Variants in TSC2 observed in about 807,000 individuals in gnomAD.
TSC2 encodes the protein TSC complex subunit 2.
Under a neutral mutation model 202.2 loss-of-function variants are expected in TSC2, and 29 were observed. The ratio of observed to expected loss-of-function variants is 0.14; its 90% CI spans 0.11 to 0.20. TSC2 has a LOEUF of 0.20. Ranked by LOEUF, TSC2 falls within the 10% of genes least tolerant of loss-of-function variation. The pLI is 1.00. For synonymous variants in TSC2, 1,349 were observed against 1,044.0 expected (o/e 1.29, Z -5.63); for missense variants, 2,429 against 2,420.0 (o/e 1.00, Z -0.08).
At position 2,082,471 on chromosome 16, in the gene TSC2, C is replaced by T. The variant is rs753308966; in HGVS notation, c.3850C>T (p.Gln1284Ter). Residue 1284 changes from glutamine to a stop codon, truncating the protein, a stop_gained, in exon 32 of 42, where the codon CAA (glutamine) becomes TAA (stop). Coordinates refer to ENST00000219476, the MANE Select transcript of TSC2 (RefSeq NM_000548.5). LOFTEE classifies it high-confidence loss of function. The part of the protein sequence containing the change: ...SFSSLYQSSC[Q>*]GQLHRSVSWA... ...CTCCTCCCTGTACCAGTCCAGCTGC[C>T]AAGGACAGCTGCACAGGAGCGTTTC... 9 of 1,611,982 alleles carry T rather than the reference C, an allele frequency of 5.6e-6. No homozygotes were observed. In the Admixed American group the frequency reaches 1.5e-4, roughly 27 times the overall value.
At position 2,088,786 on chromosome 16, in the gene TSC2, C is replaced by T. The variant is rs554253529; in HGVS notation, c.*176C>T. ...GGGGTGTCGAGGCTCTAGAAGCGGC[C>T]ATGCCCACAGAAGTGGTACACAGAA... On this transcript the variant is annotated 3_prime_UTR_variant, in exon 42 of 42. Coordinates refer to ENST00000219476, the MANE Select transcript of TSC2 (RefSeq NM_000548.5). 3.2e-4 allele frequency: 280 copies of T among 867,532 alleles called. No individual in the cohort carries two copies. The highest frequency in any genetic ancestry group is 4.6e-4 in the Non-Finnish European group (264 of 577,266). The allele number at this position is 867,532 out of a possible 1,614,324, so 53.7% of individuals were successfully genotyped here. A position where few individuals can be genotyped will look rare whatever the true frequency, so the allele number is the denominator to read the frequency against.
chr16:2,057,745 G>A (rs1289538238), intron 9 of TSC2, among the ~76,000 whole-genome samples: 1 of 152,080 alleles, frequency 6.6e-6, no homozygotes, highest in Non-Finnish European at 1.5e-5. Context: ...CTTCTCCTAT[G>A]GAACCAGGCC....
chr16:2,060,604 C>T, intron 10 of TSC2, 66 bp from the exon 11 acceptor site: 1 of 1,611,940 alleles, frequency 6.2e-7, no homozygotes, highest in Non-Finnish European at 8.5e-7. Context: ...CCAAGGGTGA[C>T]TGGGAGGGCG....
intron 4 of TSC2, 107 bp downstream of exon 4, chr16:2,053,559 A>AG: frequency 1.8e-6 from 2 of 1,137,174 alleles, no homozygotes; most frequent in Non-Finnish European, 2.5e-6. Context: ...TGCTGGGCAC[A>AG]GGGTCTAGGG....
At position 2,070,494 on chromosome 16, in the gene TSC2, T is replaced by C. The variant is rs755484371; in HGVS notation, c.1755T>C (p.Arg585=). 6.2e-7 allele frequency: 1 copy of C among 1,613,402 alleles called. No homozygotes were observed. Among genetic ancestry groups the C allele is most frequent in the Non-Finnish European group, 8.5e-7 (1 of 1,180,020 alleles). The change falls in exon 17 of 42, where the codon CGT becomes CGC. Residue 585 remains arginine (R), a synonymous_variant. Transcript: ENST00000219476. ...CCCTGCCTGCAAGCCACGCCACGCG[T>C]GTGTATGAGATGCTGGTCAGCCACA... ...LYTLPASHAT[R]VYEMLVSHIQ...
At chr16:2,076,307 G>T in intron 24 of TSC2, 137 bp downstream of exon 24, 1 of 1,561,058 alleles carries the variant, frequency 6.4e-7, no homozygotes, top group Non-Finnish European at 8.6e-7. Context: ...TGTGGCGCTG[G>T]GGGCTCTGCT....
Position 2,072,076 on chromosome 16 carries a change from G to A in TSC2, c.2097+142G>A, listed in dbSNP as rs2088514666. The A allele has an allele frequency of 2.0e-6, 3 of 1,485,670 alleles. No homozygotes were observed. The South Asian group carries it at 3.8e-5, about 19-fold the overall frequency. The allele number at this position is 1,485,670 out of a possible 1,614,324, so 92.0% of individuals were successfully genotyped here. On this transcript the variant is annotated intron_variant, in intron 19 of 41. Coordinates refer to ENST00000219476, the MANE Select transcript of TSC2 (RefSeq NM_000548.5). ...GAGCTGAGCCTTCCCCCTTCCCCGA[G>A]CAGCTGCAGGGACAGAGGCCTGCGC... is the stretch of plus-strand genomic sequence containing the variant.
chr16:2,074,422 A>C, intron 22 of TSC2, 33 bp downstream of exon 22: 1 of 1,604,330 alleles, frequency 6.2e-7, no homozygotes, highest in Non-Finnish European at 8.5e-7. Context: ...CATGCACCCG[A>C]GAGGTTCGGG....
chr16:2,086,643 C>A, intron 37 of TSC2, 89 bp from the exon 38 acceptor site: 1 of 1,583,584 alleles, frequency 6.3e-7, no homozygotes, highest in Non-Finnish European at 8.5e-7. Flanking sequence ...CCCCCAGAGC[C>A]CCTGGAGTAA....
At chr16:2,071,999 T>A (rs2151311120) in intron 19 of TSC2, 65 bp downstream of exon 19, 1 of 1,510,986 alleles carries the variant, frequency 6.6e-7, no homozygotes. Context: ...AGCTGCCACC[T>A]GCCTGCTGGG....
At position 2,071,581 on chromosome 16, in the gene TSC2, C is replaced by A. The variant is rs543584836; in HGVS notation, c.1911C>A (p.Val637=). ...HRLGLPNKDG[V]VRFSPYCVCD... ...TGGGCCTGCCCAACAAGGATGGAGT[C>A]GTGCGGTTCAGCCCCTACTGCGTCT... The change falls in exon 18 of 42, where the codon GTC becomes GTA. Residue 637 remains valine, a synonymous_variant. Coordinates refer to ENST00000219476, the MANE Select transcript of TSC2 (RefSeq NM_000548.5). 1 of 1,613,482 alleles carries A rather than the reference C, an allele frequency of 6.2e-7. No homozygotes were observed. The highest frequency in any genetic ancestry group is 1.1e-5 in the South Asian group (1 of 91,080).
In TSC2 at chr16:2,088,592, C is replaced by T. The variant is rs746376375; in HGVS notation, c.5406C>T (p.Asp1802=). ...AGCGCCTCATCTCCTCGGTGGAGGA[C>T]TTCACCGAGTTTGTGTGAGGCCGGG... ...QRKRLISSVE[D]FTEFV The change falls in exon 42 of 42, where the codon GAC becomes GAT. Residue 1802 remains aspartate, a synonymous_variant. Transcript: ENST00000219476. 2 of 1,605,842 alleles carry T rather than the reference C, an allele frequency of 1.2e-6. No individual in the cohort carries two copies. Among genetic ancestry groups the T allele is most frequent in the East Asian group, 2.2e-5 (1 of 44,866 alleles).
intron 2 of TSC2, among the ~76,000 whole-genome samples, chr16:2,050,073 A>G (rs1025038130): frequency 1.4e-4 from 20 of 147,270 alleles, no homozygotes; most frequent in African/African-American, 4.1e-4. Context: ...CTCCTGCCTC[A>G]CTCTCCCGAG....
intron 7 of TSC2, 126 bp from the exon 8 acceptor site, chr16:2,056,518 A>C: frequency 7.1e-7 from 1 of 1,414,294 alleles, no homozygotes. Context: ...GCTTGGAGAG[A>C]GGGTGCCATG....
At chr16:2,054,928 C>T (rs1241551613) in intron 5 of TSC2, 11 of 326,056 alleles carry the variant, frequency 3.4e-5, no homozygotes, top group South Asian at 2.2e-4. Context: ...GCTGTTCTGT[C>T]GCCCAGAAAA....
rs1044559724 is a variant in TSC2 at position 2,088,992 on chromosome 16, G to A, written c.*382G>A. On this transcript the variant is annotated 3_prime_UTR_variant, in exon 42 of 42. Transcript: ENST00000219476. ...TCTGACATGCCTAGTCCTGCTACTT[G>A]CCCAGACCTGATGCCAGCAGGCCTG... 2 of 266,640 alleles carry A rather than the reference G, an allele frequency of 7.5e-6. No individual in the cohort carries two copies. Among genetic ancestry groups the A allele is most frequent in the South Asian group, 4.5e-5 (1 of 21,990 alleles). The allele number at this position is 266,640 out of a possible 1,614,324, so 16.5% of individuals were successfully genotyped here. A position where few individuals can be genotyped will look rare whatever the true frequency, so the allele number is the denominator to read the frequency against.
At chr16:2,058,711 C>T (rs1413423111) in intron 9 of TSC2, 36 bp from the exon 10 acceptor site, 2 of 1,560,296 alleles carry the variant, frequency 1.3e-6, no homozygotes, top group Non-Finnish European at 8.7e-7. Context: ...GGACAGGGCC[C>T]TGCTCACATT....
In TSC2 at chr16:2,074,281, G is replaced by A. The variant is rs375030314; in HGVS notation, c.2437G>A (p.Val813Met). 2.0e-5 allele frequency: 32 copies of A among 1,613,182 alleles called. No individual in the cohort carries two copies. Among genetic ancestry groups the A allele is most frequent in the Admixed American group, 3.3e-5 (2 of 60,026 alleles). Residue 813 changes from valine (V) to methionine (M), a missense_variant, in exon 22 of 42, where the codon GTG becomes ATG. Physicochemically the swap from Val to Met is conservative, Grantham distance 21 (BLOSUM62 1). Transcript: ENST00000219476. ...CGTCGTGGCCTTGTCCATCTGCAGC[G>A]TGGAGATGCCTGACATCATCATCAA... ...QCVVALSICSVEMPDIIIKAL... is the reference protein window; with the variant it reads ...QCVVALSICSMEMPDIIIKAL...
intron 4 of TSC2, chr16:2,054,075 A>C (rs1351231412): frequency 3.1e-6 from 2 of 646,526 alleles, no homozygotes; most frequent in African/African-American, 1.8e-5. Flanking sequence ...GTCCCGACAC[A>C]CAGCAGTTGC....
Sources: gnomAD v4.1 joint callset for allele counts (sites outside exome capture counted in the v4.1 genomes callset) on GRCh38, gnomAD v4.1.1 for gene constraint, MANE v1.5 for transcripts, NCBI Gene and HGNC (gene_info 2026-07-23, HGNC 2026-07-21) for gene names.